Variants in TTN observed in about 807,000 individuals in gnomAD.
TTN encodes connectin.
A neutral mutation model predicts 3,223.0 loss-of-function variants in TTN; 1,525 were observed. That is an observed-to-expected ratio of 0.47 (90% confidence interval 0.45 to 0.49). The LOEUF is 0.49. TTN is among the 20% of genes least tolerant of loss of function. The pLI, the probability that TTN is intolerant of heterozygous loss-of-function variation, is 0.00. For synonymous variants in TTN, 14,094 were observed against 15,161.0 expected (o/e 0.93, Z 5.17); for missense variants, 40,786 against 43,424.0 (o/e 0.94, Z 5.40).
At chr2:178,783,991 T>C in intron 16 of TTN, 79 bp downstream of exon 16, 1 of 1,606,990 alleles carries the variant, frequency 6.2e-7, no homozygotes, top group South Asian at 1.1e-5. Flanking sequence ...CACTGGCTAC[T>C]TTTCAGTACA....
rs767607825 is a variant in TTN at position 178,539,260 on chromosome 2, A to G, written c.98684-9T>C. 8.1e-6 allele frequency: 13 copies of G among 1,611,714 alleles called. No homozygotes were observed. Among genetic ancestry groups the G allele is most frequent in the South Asian group, 2.2e-5 (2 of 91,028 alleles). ...TGGAGGTTCTGGAGGATCTGTAAAT[A>G]TAAGTGGAAAGCACACATGTATTAG... On this transcript the variant is annotated splice_polypyrimidine_tract_variant and intron_variant, in intron 352 of 362. Coordinates refer to ENST00000589042, the MANE Select transcript of TTN (RefSeq NM_001267550.2).
At chr2:178,529,264 C>G (rs1312336854) in intron 359 of TTN, 45 bp from the exon 360 acceptor site, 1 of 1,345,486 alleles carries the variant, frequency 7.4e-7, no homozygotes, top group Non-Finnish European at 9.8e-7. Context: ...AGAAAGAGAC[C>G]CCCACCTTTT....
intron 47 of TTN, chr2:178,747,376 A>C (rs1283345563): frequency 1.9e-6 from 3 of 1,613,376 alleles, no homozygotes; most frequent in African/African-American, 2.7e-5. Flanking sequence ...TATCTGAAGG[A>C]TTAAAATATA....
rs1425948554 is a variant in TTN at position 178,683,225 on chromosome 2, G to A, written c.32873C>T (p.Pro10958Leu). 2.6e-6 allele frequency: 4 copies of A among 1,551,392 alleles called. No homozygotes were observed. Among genetic ancestry groups the A allele is most frequent in the Non-Finnish European group, 3.5e-6 (4 of 1,145,012 alleles). Residue 10958 changes from proline (P) to leucine (L), a missense_variant, in exon 134 of 363, where the codon CCT (proline) becomes CTT (leucine). Pro to Leu is a moderately conservative substitution (Grantham distance 98). Transcript: ENST00000589042. ...KVSIEAPKRE[P>L]QPIKEVTIME... ...GTTCAATATACCTTTGATGGGTTGA[G>A]GTTCTCTTTTTGGAGCTTCAATTGA...
At position 178,692,036 on chromosome 2, in the gene TTN, T is replaced by C; in HGVS notation, c.31742A>G (p.Glu10581Gly). The change falls in exon 121 of 363, where the codon GAA becomes GGA. Residue 10581 changes from glutamate (E) to glycine (G), a missense_variant. By Grantham distance (98) the Glu-to-Gly change is moderately conservative. Transcript: ENST00000589042. ...CGTACCTTTTGGGGGAGCAGCAGGT[T>C]CCTTCTTAGGCACAGGAACTGGCTT... ...EKKPVPVPKK[E>G]PAAPPKVPEV... 1.2e-6 allele frequency: 2 copies of C among 1,612,802 alleles called. No individual in the cohort carries two copies. The highest frequency in any genetic ancestry group is 1.7e-6 in the Non-Finnish European group (2 of 1,179,126).
Position 178,667,698 on chromosome 2 carries a change from C to T in TTN, c.35569G>A (p.Val11857Ile), listed in dbSNP as rs1317317871. ...GTCACAAGTACTTTTTCTTCTAGGA[C>T]TGCTTCTTCAGATGCTTCATAAACT... The part of the protein sequence containing the change: ...MYIYEASEEA[V>I]LEEKVLVTQP... The change falls in exon 160 of 363, where the codon GTC becomes ATC. Residue 11857 changes from valine (V) to isoleucine (I), a missense_variant. Coordinates refer to ENST00000589042, the MANE Select transcript of TTN (RefSeq NM_001267550.2). 3 of 1,595,248 alleles carry T rather than the reference C, an allele frequency of 1.9e-6. No individual in the cohort carries two copies. Among genetic ancestry groups the T allele is most frequent in the Non-Finnish European group, 2.5e-6 (3 of 1,178,146 alleles).
At position 178,616,843 on chromosome 2, in the gene TTN, C is replaced by T; in HGVS notation, c.48046G>A (p.Ala16016Thr). Residue 16016 changes from alanine (A) to threonine (T), a missense_variant, in exon 256 of 363, where the codon GCC becomes ACC. Transcript: ENST00000589042. ...GDRVKMKTLS[A>T]YAELVISPSE... ...GGAGAAATGACAAGTTCGGCATAGG[C>T]AGACAAGGTCTTCATTTTCACCCGG... The T allele has an allele frequency of 1.9e-6, 3 of 1,612,638 alleles. No individual in the cohort carries two copies. The highest frequency in any genetic ancestry group is 2.5e-6 in the Non-Finnish European group (3 of 1,179,172).
chr2:178,744,508 A>G, intron 47 of TTN: 16 of 862,808 alleles, frequency 1.9e-5, no homozygotes, highest in Non-Finnish European at 2.1e-5. Flanking sequence ...TAATTTTAAA[A>G]GACAAAATTA....
Position 178,547,529 on chromosome 2 carries a change from G to A in TTN, c.94097C>T (p.Thr31366Ile). Residue 31366 changes from threonine (T) to isoleucine (I), a missense_variant, in exon 339 of 363, where the codon ACT becomes ATT. Thr to Ile is a moderately conservative substitution (Grantham distance 89). Coordinates refer to ENST00000589042, the MANE Select transcript of TTN (RefSeq NM_001267550.2). Reference sequence around the variant, plus strand: ...TGTGAGATGAGTGACTTTAATTTGAGTGCGCTTGACACTGGAATTGACAAG... The same window carrying A: ...TGTGAGATGAGTGACTTTAATTTGAATGCGCTTGACACTGGAATTGACAAG... ...WQLVNSSVKR[T>I]QIKVTHLTKY... 1 of 1,613,708 alleles carries A rather than the reference G, an allele frequency of 6.2e-7. No homozygotes were observed. The highest frequency in any genetic ancestry group is 8.5e-7 in the Non-Finnish European group (1 of 1,179,762).
rs139501351 is a variant in TTN, at chr2:178,784,160, G to T, written c.2685C>A (p.Gly895=). ...DTPDTYKSEA[G]VEVKKEVGVS... is the part of the protein sequence containing the mutation. ...CCCCTACTTCCTTTTTCACCTCAAC[G>T]CCAGCTTCACTCTTGTAAGTATCTG... Residue 895 remains glycine (G), a synonymous_variant, in exon 16 of 363, where the codon GGC becomes GGA. Coordinates refer to ENST00000589042, the MANE Select transcript of TTN (RefSeq NM_001267550.2). The T allele has an allele frequency of 1.9e-6, 3 of 1,613,976 alleles. No individual in the cohort carries two copies. Among genetic ancestry groups the T allele is most frequent in the African/African-American group, 1.3e-5 (1 of 74,910 alleles).
rs1203353273 is a variant in TTN, at chr2:178,585,057, T to C, written c.64672+15A>G. On this transcript the variant is annotated intron_variant, in intron 309 of 362. Transcript: ENST00000589042. ...CTTCATATTTAGATGGCCATTTGTC[T>C]AATACTTAACTTACCCATGACTACA... is the stretch of plus-strand genomic sequence containing the variant. 3.1e-6 allele frequency: 5 copies of C among 1,605,372 alleles called. No homozygotes were observed. Among genetic ancestry groups the C allele is most frequent in the Non-Finnish European group, 4.2e-6 (5 of 1,176,746 alleles).
Position 178,692,596 on chromosome 2 carries a change from G to T in TTN, c.31595-16C>A. The T allele has an allele frequency of 6.7e-7, 1 of 1,502,186 alleles. No individual in the cohort carries two copies. The highest frequency in any genetic ancestry group is 2.4e-5 in the East Asian group (1 of 41,984). 93.1% of individuals were successfully genotyped at this position (1,502,186 alleles called of 1,614,324 possible). On this transcript the variant is annotated splice_polypyrimidine_tract_variant and intron_variant, in intron 119 of 362. Coordinates refer to ENST00000589042, the MANE Select transcript of TTN (RefSeq NM_001267550.2). ...AGCTCAGGGACTTTAAAAGAAAAGT[G>T]CCATTTTTGAGAAAGTGTGCATTTG... is the stretch of plus-strand genomic sequence containing the variant.
Position 178,547,540 on chromosome 2 carries a change from A to T in TTN, c.94086T>A (p.Ser31362Arg). ...GTTAWQLVNS[S>R]VKRTQIKVTH... Reference sequence around the variant, plus strand: ...TGACTTTAATTTGAGTGCGCTTGACACTGGAATTGACAAGCTGCCAAGCTG... The same window carrying T: ...TGACTTTAATTTGAGTGCGCTTGACTCTGGAATTGACAAGCTGCCAAGCTG... Residue 31362 changes from serine (S) to arginine (R), a missense_variant, in exon 339 of 363, where the codon AGT becomes AGA. Coordinates refer to ENST00000589042, the MANE Select transcript of TTN (RefSeq NM_001267550.2). The T allele has an allele frequency of 6.2e-7, 1 of 1,613,824 alleles. No individual in the cohort carries two copies. The highest frequency in any genetic ancestry group is 1.7e-5 in the Admixed American group (1 of 60,008).
At chr2:178,719,506 C>A in intron 82 of TTN, 48 bp downstream of exon 82, 1 of 1,588,706 alleles carries the variant, frequency 6.3e-7, no homozygotes, top group Non-Finnish European at 8.6e-7. Context: ...CTGTGCCCCT[C>A]CACCCCCTGG....
chr2:178,570,089 C>T lies in TTN; in HGVS notation c.76043G>A (p.Gly25348Asp). The part of the protein sequence containing the change: ...GYVLEKRDKE[G>D]IRWTRCHKRL... ...CTTATGGCATCTTGTCCATCTAATG[C>T]CTTCTTTATCCCGTTTCTCAAGAAC... is the stretch of plus-strand genomic sequence containing the variant. Residue 25348 changes from glycine to aspartate, a missense_variant, in exon 326 of 363, where the codon GGC becomes GAC. Transcript: ENST00000589042. The T allele has an allele frequency of 6.2e-7, 1 of 1,613,430 alleles. No homozygotes were observed. Among genetic ancestry groups the T allele is most frequent in the Non-Finnish European group, 8.5e-7 (1 of 1,179,582 alleles).
Position 178,588,643 on chromosome 2 carries a change from G to C in TTN, c.63082C>G (p.Leu21028Val). The C allele has an allele frequency of 6.2e-7, 1 of 1,608,328 alleles. No homozygotes were observed. The highest frequency in any genetic ancestry group is 8.5e-7 in the Non-Finnish European group (1 of 1,177,672). The change falls in exon 304 of 363, where the codon CTC becomes GTC. Residue 21028 changes from leucine (L) to valine (V), a missense_variant. Leu to Val is a conservative substitution (Grantham distance 32, BLOSUM62 1). Transcript: ENST00000589042. ...AACTGATATTCATGGTCTGGGAGGA[G>C]ATTCTGTACTTTCATACGTCTCTCA... ...IPERRMKVQN[L>V]LPDHEYQFRV...
In TTN at chr2:178,777,742, A is replaced by G. The variant is rs1252349535; in HGVS notation, c.4442T>C (p.Val1481Ala). ...GAACGTCTCTGGCATAGGTCTACCA[A>G]CAACCTTTAAGTCAAATCTGGCAGT... ...GQTARFDLKV[V>A]GRPMPETFWF... Residue 1481 changes from valine (V) to alanine (A), a missense_variant, in exon 25 of 363, where the codon GTT becomes GCT. Coordinates refer to ENST00000589042, the MANE Select transcript of TTN (RefSeq NM_001267550.2). The G allele has an allele frequency of 3.7e-6, 6 of 1,614,128 alleles. No homozygotes were observed. The highest frequency in any genetic ancestry group is 1.7e-5 in the Admixed American group (1 of 60,020).
chr2:178,749,945 T>G, intron 47 of TTN: 1 of 1,613,216 alleles, frequency 6.2e-7, no homozygotes, highest in East Asian at 2.2e-5. Context: ...ATTAGTAATA[T>G]CAGACAAAAA....
chr2:178,576,165 C>G lies in TTN; in HGVS notation c.69967G>C (p.Gly23323Arg). Residue 23323 changes from glycine to arginine, a missense_variant, in exon 326 of 363, where the codon GGT becomes CGT. Gly to Arg is a moderately radical substitution (Grantham distance 125, BLOSUM62 -2). Transcript: ENST00000589042. This position sits in a 1 kb window ranked among gnomAD's most constrained non-coding sequence, Gnocchi z 4.3. ...NFRISAINDA[G>R]VGEPAVIPDV... ...GGAATCACCGCTGGCTCCCCAACAC[C>G]TGCATCGTTGATGGCACTGATTCTG... 1 of 1,613,128 alleles carries G rather than the reference C, an allele frequency of 6.2e-7. No homozygotes were observed. Among genetic ancestry groups the G allele is most frequent in the Non-Finnish European group, 8.5e-7 (1 of 1,179,444 alleles).
Sources: allele counts gnomAD v4.1 joint callset, GRCh38; gene constraint gnomAD v4.1.1; non-coding constraint Gnocchi (gnomAD v3.1); transcripts MANE v1.5; gene names NCBI Gene and HGNC (gene_info 2026-07-23, HGNC 2026-07-21).